The following STAT4 variants were observed in gnomAD, a reference collection of about 807,000 sequenced individuals.
STAT4 encodes the protein signal transducer and activator of transcription 4.
Under a neutral mutation model 110.5 loss-of-function variants are expected in STAT4, and 42 were observed. The observed-to-expected ratio is 0.38, with a 90% CI of 0.30 to 0.49. The LOEUF (loss-of-function observed/expected upper bound fraction) is 0.49, where lower values mean the gene tolerates loss of function less well. STAT4 is among the 20% of genes least tolerant of loss of function. The pLI is 0.95. For synonymous variants in STAT4, 284 were observed against 302.2 expected, an observed-to-expected ratio of 0.94 and a Z score of 0.63; for missense variants, 632 against 887.9, an observed-to-expected ratio of 0.71 and a Z score of 3.66.
rs568763862 is a variant in STAT4 at position 191,104,577 on chromosome 2, T to C, written c.274-28252A>G. On this transcript the variant is annotated intron_variant, in intron 3 of 23. Coordinates refer to ENST00000392320, the MANE Select transcript of STAT4 (RefSeq NM_003151.4). This position sits in a 1 kb window ranked among gnomAD's most constrained non-coding sequence, Gnocchi z 4.3. ...GAAGTCTTTGAAGCTGAAATAAAAT[T>C]GTCAACTTTTGATTTTGCTAAATAA... Among the ~76,000 whole-genome samples the C allele has an allele frequency of 6.6e-6, 1 of 152,150 alleles. No individual in the cohort carries two copies. The highest frequency in any genetic ancestry group is 1.5e-5 in the Non-Finnish European group (1 of 68,018).
chr2:191,103,117 AAC>A (rs1293190715), intron 3 of STAT4, among the ~76,000 whole-genome samples: 3 of 152,070 alleles, frequency 2.0e-5, no homozygotes, highest in African/African-American at 2.4e-5. Flanking sequence ...TCCTATTTTA[AAC>A]ACACAGTTTC....
intron 3 of STAT4, among the ~76,000 whole-genome samples, chr2:191,121,328 T>C (rs1574175985): frequency 6.6e-6 from 1 of 152,150 alleles, no homozygotes; most frequent in Admixed American, 6.5e-5. Flanking sequence ...TTGGTGGGAG[T>C]GTAAACTAGT....
At chr2:191,105,021 C>T (rs1478437385) in intron 3 of STAT4, among the ~76,000 whole-genome samples, 2 of 152,184 alleles carry the variant, frequency 1.3e-5, no homozygotes, top group African/African-American at 4.8e-5. Context: ...AGATTCATCA[C>T]AGGTTCTGTG....
At chr2:191,057,753 C>T (rs1696747061) in intron 13 of STAT4, among the ~76,000 whole-genome samples, 1 of 151,876 alleles carries the variant, frequency 6.6e-6, no homozygotes, top group Non-Finnish European at 1.5e-5. Flanking sequence ...CGCCTGCCAC[C>T]ATGCCTGGCT....
chr2:191,034,821 T>G (rs1696000187), intron 17 of STAT4, among the ~76,000 whole-genome samples: 2 of 152,206 alleles, frequency 1.3e-5, no homozygotes, highest in Non-Finnish European at 2.9e-5. Flanking sequence ...GAGCTAACAA[T>G]GGCTTTAGAA....
intron 3 of STAT4, among the ~76,000 whole-genome samples, chr2:191,080,034 G>A (rs1346769377): frequency 2.6e-5 from 4 of 152,016 alleles, no homozygotes; most frequent in Non-Finnish European, 5.9e-5. Flanking sequence ...AAAAAGGTAA[G>A]TTAAAATCTA....
chr2:191,052,925 C>A (rs929292150), intron 14 of STAT4, among the ~76,000 whole-genome samples: 1 of 152,206 alleles, frequency 6.6e-6, no homozygotes, highest in African/African-American at 2.4e-5. Flanking sequence ...TCTTTGACTG[C>A]AGAGACCTGC....
At position 191,039,195 on chromosome 2, in the gene STAT4, C is replaced by T; in HGVS notation, c.1434+4G>A. 6.2e-7 allele frequency: 1 copy of T among 1,613,600 alleles called. No individual in the cohort carries two copies. The highest frequency in any genetic ancestry group is 1.1e-5 in the South Asian group (1 of 91,076). On this transcript the variant is annotated splice_donor_region_variant and intron_variant, in intron 16 of 23. Transcript: ENST00000392320. The surrounding 1 kb of genome is among the most constrained non-coding windows in gnomAD (Gnocchi z 4.7). Reference sequence around the variant, plus strand: ...AAAGAAGTTGAGGTAGAAATAGAGTCTACCTGGGAATCGTTGGTTGACACG... The same window carrying T: ...AAAGAAGTTGAGGTAGAAATAGAGTTTACCTGGGAATCGTTGGTTGACACG...
In STAT4 at chr2:191,029,642, G is replaced by A. The variant is rs1316501587; in HGVS notation, c.*198C>T. 3 of 564,128 alleles carry A rather than the reference G, an allele frequency of 5.3e-6. No individual in the cohort carries two copies. The highest frequency in any genetic ancestry group is 9.2e-6 in the Non-Finnish European group (3 of 324,546). 34.9% of individuals were successfully genotyped at this position (564,128 alleles called of 1,614,324 possible). A position where few individuals can be genotyped will look rare whatever the true frequency, so the allele number is the denominator to read the frequency against. ...GTCTTATCTTGCAAGTTTATCTGAA[G>A]CTTTGGTTTCAAGCATTTCAGTCAC... is the stretch of plus-strand genomic sequence containing the variant. On this transcript the variant is annotated 3_prime_UTR_variant, in exon 24 of 24. Coordinates refer to ENST00000392320, the MANE Select transcript of STAT4 (RefSeq NM_003151.4). The surrounding 1 kb of genome is among the most constrained non-coding windows in gnomAD (Gnocchi z 4.5).
rs1326788994 is a variant in STAT4, at chr2:191,146,862, C to G, written c.129-105G>C. 6 of 1,110,960 alleles carry G rather than the reference C, an allele frequency of 5.4e-6. No individual in the cohort carries two copies. Among genetic ancestry groups the G allele is most frequent in the Non-Finnish European group, 7.1e-6 (6 of 847,376 alleles). 68.8% of individuals were successfully genotyped at this position (1,110,960 alleles called of 1,614,324 possible). ...AATAAACCTATTACATGGTGATAAG[C>G]ATTTAAAAGTTTTAAAAAATTAAAT... is the stretch of plus-strand genomic sequence containing the variant. On this transcript the variant is annotated intron_variant, in intron 2 of 23. Coordinates refer to ENST00000392320, the MANE Select transcript of STAT4 (RefSeq NM_003151.4). This position sits in a 1 kb window ranked among gnomAD's most constrained non-coding sequence, Gnocchi z 4.5.
rs1696318776 is a variant in STAT4 at position 191,045,324 on chromosome 2, T to C, written c.1252-4176A>G. On this transcript the variant is annotated intron_variant, in intron 14 of 23. Coordinates refer to ENST00000392320, the MANE Select transcript of STAT4 (RefSeq NM_003151.4). The stretch of plus-strand genomic sequence containing the variant: ...AAGTTTGTAAGAAAAACAGGATCTC[T>C]GACTTCATTCCAGGCTTACTGAATC... Among the ~76,000 whole-genome samples, 3 of 152,238 alleles carry C rather than the reference T, an allele frequency of 2.0e-5. No homozygotes were observed. The South Asian group carries it at 6.2e-4, about 31-fold the overall frequency.
Position 191,032,869 on chromosome 2 carries a change from A to G in STAT4, c.2044+89T>C. 1 of 1,303,298 alleles carries G rather than the reference A, an allele frequency of 7.7e-7. No homozygotes were observed. The highest frequency in any genetic ancestry group is 1.1e-6 in the Non-Finnish European group (1 of 944,030). The allele number at this position is 1,303,298 out of a possible 1,614,324, so 80.7% of individuals were successfully genotyped here. ...TCTTACAGAAATCAGAGTAAACAAGAAGGGGAACTTCATTTACTTTGCTCC... is the reference window on the plus strand; with the variant it reads ...TCTTACAGAAATCAGAGTAAACAAGGAGGGGAACTTCATTTACTTTGCTCC... On this transcript the variant is annotated intron_variant, in intron 21 of 23. Transcript: ENST00000392320. This position sits in a 1 kb window ranked among gnomAD's most constrained non-coding sequence, Gnocchi z 4.9.
At chr2:191,120,801 C>A (rs184561480) in intron 3 of STAT4, among the ~76,000 whole-genome samples, 1 of 152,102 alleles carries the variant, frequency 6.6e-6, no homozygotes, top group Admixed American at 6.5e-5. Context: ...AATGTTAGAC[C>A]TAAAACCATA....
chr2:191,111,487 G>A (rs563749504), intron 3 of STAT4, among the ~76,000 whole-genome samples: 5 of 152,184 alleles, frequency 3.3e-5, no homozygotes, highest in African/African-American at 1.2e-4. Flanking sequence ...AAACAGAAAT[G>A]AACACTTGAT....
chr2:191,090,720 C>T lies in STAT4; in HGVS notation c.274-14395G>A, dbSNP rs1243703825. On this transcript the variant is annotated intron_variant, in intron 3 of 23. Transcript: ENST00000392320. The surrounding 1 kb of genome is among the most constrained non-coding windows in gnomAD (Gnocchi z 4.2). Reference sequence around the variant, plus strand: ...GGACTAGAGGCACCCGCCACCATGCCCGGCTAATTTTTTGTATTTTTAGTA... The same window carrying T: ...GGACTAGAGGCACCCGCCACCATGCTCGGCTAATTTTTTGTATTTTTAGTA... 1.3e-5 allele frequency among the ~76,000 whole-genome samples: 2 copies of T among 152,030 alleles called. No homozygotes were observed. The highest frequency in any genetic ancestry group is 2.9e-5 in the Non-Finnish European group (2 of 68,002).
In STAT4 at chr2:191,138,885, T is replaced by TAA. The variant is rs1215115472; in HGVS notation, c.273+7727_273+7728insTT. Reference sequence around the variant, plus strand: ...TGCTAGCTAACAAAATCCAACAGCATATCAAAAAGATAATACATCATGATC... The same window carrying TAA: ...TGCTAGCTAACAAAATCCAACAGCATAAATCAAAAAGATAATACATCATGATC... On this transcript the variant is annotated intron_variant, in intron 3 of 23. Transcript: ENST00000392320. This position sits in a 1 kb window ranked among gnomAD's most constrained non-coding sequence, Gnocchi z 4.3. Among the ~76,000 whole-genome samples, 3 of 152,080 alleles carry TAA rather than the reference T, an allele frequency of 2.0e-5. No individual in the cohort carries two copies. Among genetic ancestry groups the TAA allele is most frequent in the African/African-American group, 7.2e-5 (3 of 41,424 alleles).
At chr2:191,119,560 A>T (rs4341967) in intron 3 of STAT4, among the ~76,000 whole-genome samples, 93,227 of 152,018 alleles carry the variant, frequency 0.61, 29,278 homozygotes, top group South Asian at 0.78. Context: ...TTTGTGTTTA[A>T]GAATTGGAAG....
intron 14 of STAT4, chr2:191,041,735 C>A (rs1183420164): frequency 2.0e-5 from 3 of 151,912 alleles, no homozygotes; most frequent in Admixed American, 6.6e-5. Context: ...AAGAAAGAAC[C>A]CAGAGGTTGA....
At position 191,090,839 on chromosome 2, in the gene STAT4, C is replaced by G. The variant is rs1366791712; in HGVS notation, c.274-14514G>C. ...ATCCCCTGACCTCGTGATCCACCCACCTTGGCCTCCCAAAGTGCTAGGATT... is the reference window on the plus strand; with the variant it reads ...ATCCCCTGACCTCGTGATCCACCCAGCTTGGCCTCCCAAAGTGCTAGGATT... On this transcript the variant is annotated intron_variant, in intron 3 of 23. Transcript: ENST00000392320. This position sits in a 1 kb window ranked among gnomAD's most constrained non-coding sequence, Gnocchi z 4.2. 6.6e-6 allele frequency among the ~76,000 whole-genome samples: 1 copy of G among 152,196 alleles called. No homozygotes were observed. The highest frequency in any genetic ancestry group is 1.5e-5 in the Non-Finnish European group (1 of 68,040).
Sources: gnomAD v4.1 joint callset for allele counts (sites outside exome capture counted in the v4.1 genomes callset) on GRCh38, gnomAD v4.1.1 for gene constraint, Gnocchi (gnomAD v3.1) non-coding constraint, MANE v1.5 for transcripts, NCBI Gene and HGNC (gene_info 2026-07-23, HGNC 2026-07-21) for gene names.